MSI2: variants seen among roughly 807,000 people sequenced by gnomAD.
The protein encoded by MSI2 is musashi RNA binding protein 2, also known as RNA-binding protein Musashi homolog 2.
A neutral mutation model predicts 45.6 loss-of-function variants in MSI2; 17 were observed. The observed-to-expected ratio is 0.37, with a 90% CI of 0.26 to 0.56. MSI2 has a LOEUF of 0.56. Ranked by LOEUF, MSI2 falls within the 20% of genes least tolerant of loss-of-function variation. The pLI is 0.77. For synonymous variants in MSI2, 156 were observed against 158.2 expected (o/e 0.99, Z 0.11); for missense variants, 293 against 444.2 (o/e 0.66, Z 3.06).
chr17:57,493,944 G>A (rs2085925687), intron 6 of MSI2, among the ~76,000 whole-genome samples: 1 of 152,092 alleles, frequency 6.6e-6, no homozygotes, highest in Non-Finnish European at 1.5e-5. Context: ...AAGTTAAGTG[G>A]TTTGCATGAG....
At chr17:57,329,526 G>A (rs561150137) in intron 5 of MSI2, among the ~76,000 whole-genome samples, 1 of 152,260 alleles carries the variant, frequency 6.6e-6, no homozygotes, top group East Asian at 1.9e-4. Context: ...CTCTGGGTGG[G>A]CCAGAAACTC....
intron 6 of MSI2, among the ~76,000 whole-genome samples, chr17:57,511,859 C>T (rs945283689): frequency 6.6e-6 from 1 of 152,224 alleles, no homozygotes. Context: ...GCAGCTCACA[C>T]AGGCCAGGCC....
At position 57,377,298 on chromosome 17, in the gene MSI2, G is replaced by A. The variant is rs1355329530; in HGVS notation, c.313-24081G>A. 3.9e-5 allele frequency among the ~76,000 whole-genome samples: 6 copies of A among 152,190 alleles called. No individual in the cohort carries two copies. The East Asian group carries it at 5.8e-4, about 15-fold the overall frequency. ...GCCAAGCCTGACTTCCCTCAGGTAC[G>A]AGTCTGCTAATCTTTAACTCTGACT... On this transcript the variant is annotated intron_variant, in intron 5 of 13. Transcript: ENST00000284073.
At chr17:57,517,540 G>A (rs958586712) in intron 6 of MSI2, among the ~76,000 whole-genome samples, 4 of 152,198 alleles carry the variant, frequency 2.6e-5, no homozygotes, top group African/African-American at 9.6e-5. Context: ...GTTCAAAGGA[G>A]TCTTGGAGAA....
At chr17:57,396,418 C>CACAT (rs932838600) in intron 5 of MSI2, among the ~76,000 whole-genome samples, 14 of 151,604 alleles carry the variant, frequency 9.2e-5, no homozygotes, top group Admixed American at 8.5e-4. Context: ...ACACACCACA[C>CACAT]ACACACACAC....
chr17:57,379,078 T>G lies in MSI2; in HGVS notation c.313-22301T>G, dbSNP rs77470621. ...TGTGTTCTGCAGACCGACCAGAGGT[T>G]GTTATTTCACTCTCCATCCCCTCAT... On this transcript the variant is annotated intron_variant, in intron 5 of 13. Transcript: ENST00000284073. Among the ~76,000 whole-genome samples, 1,039 of 151,918 alleles carry G rather than the reference T, an allele frequency of 6.8e-3. 8 individuals carry two copies. The highest frequency in any genetic ancestry group is 0.014 in the Middle Eastern group (4 of 294).
chr17:57,334,064 C>A (rs2695352), intron 5 of MSI2, among the ~76,000 whole-genome samples: 3 of 152,170 alleles, frequency 2.0e-5, no homozygotes, highest in Non-Finnish European at 2.9e-5. Flanking sequence ...CTCCTCCTGT[C>A]CTTCCCCCAT....
At chr17:57,353,178 A>G (rs792383) in intron 5 of MSI2, among the ~76,000 whole-genome samples, 23,555 of 152,084 alleles carry the variant, frequency 0.15, 3,830 homozygotes, top group African/African-American at 0.41. Context: ...TCATTCCTTT[A>G]GTTTTCTGGC....
chr17:57,536,779 C>G lies in MSI2; in HGVS notation c.454+7055C>G, dbSNP rs144859162. ...ACCAACAGCCAGGGTTCCTGGCCTCCCAGAGCTTTCAGTTTAGTCCGTAGT... is the reference window on the plus strand; with the variant it reads ...ACCAACAGCCAGGGTTCCTGGCCTCGCAGAGCTTTCAGTTTAGTCCGTAGT... On this transcript the variant is annotated intron_variant, in intron 7 of 13. Transcript: ENST00000284073. Among the ~76,000 whole-genome samples, 1,490 of 152,266 alleles carry G rather than the reference C, an allele frequency of 9.8e-3. 16 individuals are homozygous for G. Among genetic ancestry groups the G allele is most frequent in the South Asian group, 0.038 (185 of 4,810 alleles).
rs1567969664 is a variant in MSI2 at position 57,670,908 on chromosome 17, G to C, written c.791-4064G>C. The stretch of plus-strand genomic sequence containing the variant: ...TTGAAGCAGTCCCATGAGTCAGATT[G>C]AATAAGGAAAGCATCACTCACTTGC... On this transcript the variant is annotated intron_variant, in intron 11 of 13. Coordinates refer to ENST00000284073, the MANE Select transcript of MSI2 (RefSeq NM_138962.4). Among the ~76,000 whole-genome samples, 4 of 152,288 alleles carry C rather than the reference G, an allele frequency of 2.6e-5. No individual in the cohort carries two copies. In the East Asian group the frequency reaches 5.8e-4, roughly 22 times the overall value.
intron 6 of MSI2, among the ~76,000 whole-genome samples, chr17:57,456,332 G>A (rs553035623): frequency 7.2e-5 from 11 of 152,294 alleles, no homozygotes; most frequent in East Asian, 3.9e-4. Context: ...AGCTTTGGCC[G>A]GGCGCAGTGG....
At position 57,680,821 on chromosome 17, in the gene MSI2, T is replaced by G; in HGVS notation, c.*1304T>G. 4.8e-6 allele frequency: 1 copy of G among 208,150 alleles called. No individual in the cohort carries two copies. Among genetic ancestry groups the G allele is most frequent in the Non-Finnish European group, 9.8e-6 (1 of 102,088 alleles). 12.9% of individuals were successfully genotyped at this position (208,150 alleles called of 1,614,324 possible). A position where few individuals can be genotyped will look rare whatever the true frequency, so the allele number is the denominator to read the frequency against. The stretch of plus-strand genomic sequence containing the variant: ...TTTTTAAATATTTGATCATTTTCTA[T>G]TGTCCAATCATTTCAGCACCTCCAA... On this transcript the variant is annotated 3_prime_UTR_variant, in exon 14 of 14. Coordinates refer to ENST00000284073, the MANE Select transcript of MSI2 (RefSeq NM_138962.4).
chr17:57,262,366 G>A lies in MSI2; in HGVS notation c.312+174G>A, dbSNP rs542203246. 7 of 584,592 alleles carry A rather than the reference G, an allele frequency of 1.2e-5. No individual in the cohort carries two copies. In the South Asian group the frequency reaches 1.5e-4, roughly 13 times the overall value. 36.2% of individuals were successfully genotyped at this position (584,592 alleles called of 1,614,324 possible). A position where few individuals can be genotyped will look rare whatever the true frequency, so the allele number is the denominator to read the frequency against. ...GAGATAACCATGCGTCTCTAAGTTA[G>A]CCATCCCAAGGTGGCTTCTGAACAT... is the stretch of plus-strand genomic sequence containing the variant. On this transcript the variant is annotated intron_variant, in intron 5 of 13. Transcript: ENST00000284073.
chr17:57,367,822 G>A (rs1053618779), intron 5 of MSI2, among the ~76,000 whole-genome samples: 6 of 152,168 alleles, frequency 3.9e-5, no homozygotes, highest in African/African-American at 1.4e-4. Context: ...TGTGTGTGTA[G>A]AGGTACCATG....
intron 5 of MSI2, among the ~76,000 whole-genome samples, chr17:57,313,863 G>C (rs980692986): frequency 6.6e-6 from 1 of 152,198 alleles, no homozygotes; most frequent in Non-Finnish European, 1.5e-5. Context: ...CCAAAGAGGC[G>C]GGCCTGCTGG....
chr17:57,701,345 C>A, the MSI2 span, among the ~76,000 whole-genome samples: 1 of 152,114 alleles, frequency 6.6e-6, no homozygotes, highest in Non-Finnish European at 1.5e-5. Context: ...GAAGGTGGGG[C>A]CTTTGGGAGG....
At chr17:57,455,340 G>C (rs2085092614) in intron 6 of MSI2, among the ~76,000 whole-genome samples, 1 of 152,184 alleles carries the variant, frequency 6.6e-6, no homozygotes, top group African/African-American at 2.4e-5. Flanking sequence ...CCACTTGGCA[G>C]CCATCATAAG....
At chr17:57,497,783 G>T (rs1388265491) in intron 6 of MSI2, among the ~76,000 whole-genome samples, 2 of 152,222 alleles carry the variant, frequency 1.3e-5, no homozygotes, top group African/African-American at 4.8e-5. Context: ...TGATGCACAC[G>T]CAGGTAGTTG....
intron 5 of MSI2, among the ~76,000 whole-genome samples, chr17:57,390,278 C>A (rs973758191): frequency 6.6e-6 from 1 of 152,054 alleles, no homozygotes; most frequent in African/African-American, 2.4e-5. Context: ...TTTGTTGAGG[C>A]CTCTATCCTT....
Sources: gnomAD v4.1 joint callset for allele counts (sites outside exome capture counted in the v4.1 genomes callset) on GRCh38, gnomAD v4.1.1 for gene constraint, MANE v1.5 for transcripts, NCBI Gene and HGNC (gene_info 2026-07-23, HGNC 2026-07-21) for gene names.